The following MLLT11 variants were observed in gnomAD, a reference collection of about 807,000 sequenced individuals.
MLLT11 encodes the protein MLLT11 transcription factor 7 cofactor.
A neutral mutation model predicts 5.3 loss-of-function variants in MLLT11; 1 was observed. The observed-to-expected ratio is 0.19, with a 90% CI of 0.07 to 0.89. MLLT11 has a LOEUF of 0.89. Ranked by LOEUF, MLLT11 falls within the 40% of genes least tolerant of loss-of-function variation. The pLI is 0.67. For missense variants in MLLT11, 87 were observed against 107.3 expected (o/e 0.81, Z 0.83); for synonymous variants, 38 against 41.7 (o/e 0.91, Z 0.34).
At chr1:151,065,426 A>C (rs1676463864) in intron 1 of MLLT11, among the ~76,000 whole-genome samples, 1 of 152,238 alleles carries the variant, frequency 6.6e-6, no homozygotes, top group Admixed American at 6.5e-5. Context: ...CAATTTGTCA[A>C]AGAGCTTTTT....
At chr1:151,066,486 A>C (rs1172652366) in intron 1 of MLLT11, among the ~76,000 whole-genome samples, 1 of 152,196 alleles carries the variant, frequency 6.6e-6, no homozygotes, top group Admixed American at 6.5e-5. Context: ...GTTAAGCAAG[A>C]CAGGAATGAG....
rs1676501160 is a variant in MLLT11, at chr1:151,068,203, T to C, written c.*706T>C. On this transcript the variant is annotated 3_prime_UTR_variant, in exon 2 of 2. Transcript: ENST00000368921. ...TTACAACTTTGCTCCTAACTGTGGG[T>C]TGAAAACTCTAGCTAAAGAAAGTTA... 1 of 238,954 alleles carries C rather than the reference T, an allele frequency of 4.2e-6. No homozygotes were observed. Among genetic ancestry groups the C allele is most frequent in the African/African-American group, 2.2e-5 (1 of 44,872 alleles). The allele number at this position is 238,954 out of a possible 1,614,324, so 14.8% of individuals were successfully genotyped here.
chr1:151,065,878 A>G (rs931891994), intron 1 of MLLT11, among the ~76,000 whole-genome samples: 6 of 152,048 alleles, frequency 3.9e-5, no homozygotes, highest in Non-Finnish European at 8.8e-5. Flanking sequence ...GTCTCACTCT[A>G]TTCCCCAGGC....
At position 151,066,651 on chromosome 1, in the gene MLLT11, G is replaced by A. The variant is rs587755611; in HGVS notation, c.-6-568G>A. On this transcript the variant is annotated intron_variant, in intron 1 of 1. Transcript: ENST00000368921. ...GAAAATAGTAGAAATTCGGCCGGGC[G>A]CGGTGGCTCACACCTGTAATCCCAG... is the stretch of plus-strand genomic sequence containing the variant. Among the ~76,000 whole-genome samples, 5 of 152,222 alleles carry A rather than the reference G, an allele frequency of 3.3e-5. No homozygotes were observed. In the South Asian group the frequency reaches 6.2e-4, roughly 19 times the overall value.
At chr1:151,063,792 C>T (rs1676440148) in intron 1 of MLLT11, among the ~76,000 whole-genome samples, 3 of 152,128 alleles carry the variant, frequency 2.0e-5, no homozygotes, top group Non-Finnish European at 2.9e-5. Flanking sequence ...CTCTAATAGT[C>T]CTAAAATATC....
At chr1:151,066,734 C>A (rs1028767157) in intron 1 of MLLT11, among the ~76,000 whole-genome samples, 3 of 151,846 alleles carry the variant, frequency 2.0e-5, no homozygotes, top group African/African-American at 7.3e-5. Context: ...ACCATCCTGG[C>A]TAACATGGTG....
intron 1 of MLLT11, among the ~76,000 whole-genome samples, chr1:151,064,971 T>C (rs1053008388): frequency 2.0e-5 from 3 of 152,084 alleles, no homozygotes; most frequent in African/African-American, 7.2e-5. Context: ...TTTAAGTAAA[T>C]GATACCGTTT....
At position 151,068,011 on chromosome 1, in the gene MLLT11, C is replaced by G; in HGVS notation, c.*514C>G. ...GATAAGTCTCTTGCTTTTTTTTGAT[C>G]CTGCTCTTATATTCTTTTTTTTCCT... On this transcript the variant is annotated 3_prime_UTR_variant, in exon 2 of 2. Transcript: ENST00000368921. 1 of 243,510 alleles carries G rather than the reference C, an allele frequency of 4.1e-6. No individual in the cohort carries two copies. Among genetic ancestry groups the G allele is most frequent in the East Asian group, 6.3e-5 (1 of 15,756 alleles). 15.1% of individuals were successfully genotyped at this position (243,510 alleles called of 1,614,324 possible).
At position 151,067,251 on chromosome 1, in the gene MLLT11, C is replaced by T. The variant is rs1306136427; in HGVS notation, c.27C>T (p.Tyr9=). The change falls in exon 2 of 2, where the codon TAC becomes TAT. Residue 9 remains tyrosine, a synonymous_variant. Coordinates refer to ENST00000368921, the MANE Select transcript of MLLT11 (RefSeq NM_006818.4). ...TGAGGGACCCTGTGAGTAGCCAGTA[C>T]AGTTCCTTTCTTTTCTGGAGGATGC... MRDPVSSQ[Y]SSFLFWRMPI... The T allele has an allele frequency of 1.7e-5, 27 of 1,614,036 alleles. No homozygotes were observed. Among genetic ancestry groups the T allele is most frequent in the Non-Finnish European group, 2.1e-5 (25 of 1,180,036 alleles).
chr1:151,067,712 A>G lies in MLLT11; in HGVS notation c.*215A>G. 2 of 608,554 alleles carry G rather than the reference A, an allele frequency of 3.3e-6. No individual in the cohort carries two copies. The highest frequency in any genetic ancestry group is 2.9e-6 in the Non-Finnish European group (1 of 339,944). 37.7% of individuals were successfully genotyped at this position (608,554 alleles called of 1,614,324 possible). On this transcript the variant is annotated 3_prime_UTR_variant, in exon 2 of 2. Coordinates refer to ENST00000368921, the MANE Select transcript of MLLT11 (RefSeq NM_006818.4). ...AGTCACAAAGTAAATGGTTCAAGCA[A>G]TGGAGTACTGGGTCACAGGGATTCC...
At chr1:151,060,986 T>A (rs949779589) in intron 1 of MLLT11, among the ~76,000 whole-genome samples, 2 of 152,180 alleles carry the variant, frequency 1.3e-5, no homozygotes, top group Non-Finnish European at 2.9e-5. Context: ...GGGGGTTATA[T>A]GGGATAATGT....
At chr1:151,061,593 C>A (rs1676408586) in intron 1 of MLLT11, among the ~76,000 whole-genome samples, 2 of 151,884 alleles carry the variant, frequency 1.3e-5, no homozygotes, top group South Asian at 4.2e-4. Flanking sequence ...GTAAATGATA[C>A]CATTTAAGAT....
chr1:151,060,710 C>A (rs773715792), intron 1 of MLLT11, among the ~76,000 whole-genome samples, 157 bp downstream of exon 1: 6 of 152,172 alleles, frequency 3.9e-5, no homozygotes, highest in Non-Finnish European at 5.9e-5. Flanking sequence ...AGCATCCATG[C>A]CTTGTTACCT....
intron 1 of MLLT11, among the ~76,000 whole-genome samples, chr1:151,064,796 CG>C (rs1676453771): frequency 6.6e-6 from 1 of 152,010 alleles, no homozygotes; most frequent in Non-Finnish European, 1.5e-5. Flanking sequence ...TGTGTGGCTC[CG>C]AGAGAGTGTA....
rs191459304 is a variant in MLLT11, at chr1:151,062,319, G to A, written c.-7+1766G>A. Among the ~76,000 whole-genome samples, 184 of 151,220 alleles carry A rather than the reference G, an allele frequency of 1.2e-3. 1 individual carries two copies. Among genetic ancestry groups the A allele is most frequent in the African/African-American group, 4.3e-3 (176 of 41,236 alleles). ...TTCCCAAGTCATTAATTTCTAAGATGTCTTCTAGTTTTAAAATTCTATGAT... is the reference window on the plus strand; with the variant it reads ...TTCCCAAGTCATTAATTTCTAAGATATCTTCTAGTTTTAAAATTCTATGAT... On this transcript the variant is annotated intron_variant, in intron 1 of 1. Transcript: ENST00000368921.
intron 1 of MLLT11, among the ~76,000 whole-genome samples, chr1:151,063,253 T>C (rs1317429572): frequency 6.6e-6 from 1 of 152,166 alleles, no homozygotes; most frequent in African/African-American, 2.4e-5. Flanking sequence ...CTGGAGCATT[T>C]TGGAACCTAT....
chr1:151,067,468 A>G lies in MLLT11; in HGVS notation c.244A>G (p.Ile82Val). The stretch of plus-strand genomic sequence containing the variant: ...CTTCTGGAGAGCTCCCATTGCCAGC[A>G]TCCACTCCTTCGAACTGGACTTGCT... ...FNFWRAPIASIHSFELDLL is the reference protein window; with the variant it reads ...FNFWRAPIASVHSFELDLL The change falls in exon 2 of 2, where the codon ATC becomes GTC. Residue 82 changes from isoleucine to valine, a missense_variant. Ile to Val is a conservative substitution (Grantham distance 29, BLOSUM62 3). Coordinates refer to ENST00000368921, the MANE Select transcript of MLLT11 (RefSeq NM_006818.4). The G allele has an allele frequency of 6.2e-7, 1 of 1,614,020 alleles. No homozygotes were observed. Among genetic ancestry groups the G allele is most frequent in the Non-Finnish European group, 8.5e-7 (1 of 1,180,012 alleles).
intron 1 of MLLT11, among the ~76,000 whole-genome samples, chr1:151,061,340 G>T (rs1676404359): frequency 6.6e-6 from 1 of 152,182 alleles, no homozygotes; most frequent in Non-Finnish European, 1.5e-5. Flanking sequence ...GACACAGCAA[G>T]GCCCTGTTGA....
Position 151,069,056 on chromosome 1 carries a change from ACT to A in MLLT11, c.*1560_*1561del, listed in dbSNP as rs1451031049. 6.6e-6 allele frequency among the ~76,000 whole-genome samples: 1 copy of A among 152,128 alleles called. No homozygotes were observed. The highest frequency in any genetic ancestry group is 1.5e-5 in the Non-Finnish European group (1 of 68,024). On this transcript the variant is annotated 3_prime_UTR_variant, in exon 2 of 2. Transcript: ENST00000368921. ...CAACCACTCTTCTGCTTGCCCACTG[ACT>A]ACCAACATTATATTTCAGGTAATAA...
Sources: gnomAD v4.1 joint callset for allele counts (sites outside exome capture counted in the v4.1 genomes callset) on GRCh38, gnomAD v4.1.1 for gene constraint, MANE v1.5 for transcripts, NCBI Gene and HGNC (gene_info 2026-07-23, HGNC 2026-07-21) for gene names.